SDHC: variants seen among roughly 807,000 people sequenced by gnomAD.
The protein encoded by SDHC is succinate dehydrogenase cytochrome b560 subunit, mitochondrial.
SDHC carries 11 observed loss-of-function variants against 22.6 expected under a neutral mutation model. The ratio of observed to expected loss-of-function variants is 0.49; its 90% CI spans 0.31 to 0.81. SDHC has a LOEUF of 0.81. SDHC is among the 30% of genes least tolerant of loss of function. SDHC has a pLI of 0.05. For missense variants in SDHC, 160 were observed against 212.0 expected (o/e 0.75, Z 1.52); for synonymous variants, 80 against 77.8 (o/e 1.03, Z -0.15).
At chr1:161,319,916 A>G (rs142834919) in intron 1 of SDHC, among the ~76,000 whole-genome samples, 186 of 149,448 alleles carry the variant, frequency 1.2e-3, no homozygotes, top group African/African-American at 4.1e-3. Context: ...GTGGGAGGTT[A>G]GGTCCAGAGA....
At chr1:161,333,401 C>CTTTTTTTTTTTTTTTTTTTTTTTATTT (rs71581410) in intron 3 of SDHC, among the ~76,000 whole-genome samples, 1 of 130,422 alleles carries the variant, frequency 7.7e-6, no homozygotes, top group Non-Finnish European at 1.6e-5. Context: ...CTATGTTTAA[C>CTTTTTTTTTTTTTTTTTTTTTTTATTT]TTTTTTTTTT....
chr1:161,335,723 C>T (rs1182122947), intron 3 of SDHC, among the ~76,000 whole-genome samples: 1 of 152,110 alleles, frequency 6.6e-6, no homozygotes, highest in Admixed American at 6.6e-5. Flanking sequence ...TGCTTCTAGG[C>T]CCGGTCTGTG....
intron 4 of SDHC, among the ~76,000 whole-genome samples, chr1:161,345,063 A>G (rs957296750): frequency 6.6e-6 from 1 of 152,204 alleles, no homozygotes; most frequent in African/African-American, 2.4e-5. Flanking sequence ...TCACTTTAGC[A>G]CTTAGATTAA....
At chr1:161,316,464 T>C (rs1342632401) in intron 1 of SDHC, among the ~76,000 whole-genome samples, 1 of 152,188 alleles carries the variant, frequency 6.6e-6, no homozygotes, top group Non-Finnish European at 1.5e-5. Context: ...CAGCCCTTAA[T>C]CCATTTAACC....
chr1:161,339,675 T>TG (rs1333229999), intron 3 of SDHC: 4 of 372,458 alleles, frequency 1.1e-5, no homozygotes, highest in African/African-American at 1.0e-4. Flanking sequence ...TTTTTTTTTT[T>TG]TTTTTTTTTT....
At chr1:161,344,277 G>A (rs1671820571) in intron 4 of SDHC, among the ~76,000 whole-genome samples, 1 of 151,856 alleles carries the variant, frequency 6.6e-6, no homozygotes, top group Non-Finnish European at 1.5e-5. Context: ...GAGACAGAGC[G>A]AGACTCCGTC....
chr1:161,335,325 TATTA>T (rs1671434360), intron 3 of SDHC, among the ~76,000 whole-genome samples: 1 of 152,222 alleles, frequency 6.6e-6, no homozygotes, highest in Non-Finnish European at 1.5e-5. Context: ...AAGGATGTTG[TATTA>T]ATTAATACAT....
intron 3 of SDHC, among the ~76,000 whole-genome samples, chr1:161,330,529 A>G (rs1671233504): frequency 6.6e-6 from 1 of 152,204 alleles, no homozygotes; most frequent in African/African-American, 2.4e-5. Flanking sequence ...CTCTGGGCTT[A>G]TAGCTCCATC....
intron 4 of SDHC, among the ~76,000 whole-genome samples, chr1:161,349,220 T>C (rs2102354814): frequency 6.6e-6 from 1 of 152,282 alleles, no homozygotes; most frequent in East Asian, 1.9e-4. Context: ...CCCCGCACTT[T>C]GAGAGGCCAA....
At chr1:161,357,239 A>C (rs1012884893) in intron 5 of SDHC, among the ~76,000 whole-genome samples, 1 of 151,376 alleles carries the variant, frequency 6.6e-6, no homozygotes, top group Non-Finnish European at 1.5e-5. Context: ...TGCTGTTCTT[A>C]AGGTTAGTTG....
At chr1:161,361,842 C>CAAA (rs35337467) in intron 5 of SDHC, among the ~76,000 whole-genome samples, 2,227 of 54,618 alleles carry the variant, frequency 0.041, 232 homozygotes, top group African/African-American at 0.14. Flanking sequence ...GAGTCCGTCT[C>CAAA]AAAAAAAAAA....
chr1:161,345,395 C>T (rs1375680605), intron 4 of SDHC, among the ~76,000 whole-genome samples: 2 of 152,204 alleles, frequency 1.3e-5, no homozygotes, highest in African/African-American at 4.8e-5. Context: ...TCTATTCCTT[C>T]ATAGTTCTTA....
intron 4 of SDHC, among the ~76,000 whole-genome samples, chr1:161,346,059 C>T (rs1354017185): frequency 6.6e-6 from 1 of 152,206 alleles, no homozygotes; most frequent in African/African-American, 2.4e-5. Flanking sequence ...CCCGCCTCAG[C>T]CTCCCAAAGT....
At chr1:161,341,657 G>A (rs1359407825) in intron 4 of SDHC, among the ~76,000 whole-genome samples, 4 of 152,136 alleles carry the variant, frequency 2.6e-5, no homozygotes, top group Non-Finnish European at 4.4e-5. Context: ...GAATGTGCAT[G>A]TAACATATTT....
At position 161,323,647 on chromosome 1, in the gene SDHC, T is replaced by G. The variant is rs200761743; in HGVS notation, c.54T>G (p.Phe18Leu). Residue 18 changes from phenylalanine (F) to leucine (L), a missense_variant, in exon 2 of 6, where the codon TTT (phenylalanine) becomes TTG (leucine). Around this residue, in one of 2 missense-constraint regions of SDHC, gnomAD observed 86 missense variants for 83.4 expected, o/e 1.03. Transcript: ENST00000367975. ...HVGRHCLRAHFSPQLCIRNAV... is the reference protein window; with the variant it reads ...HVGRHCLRAHLSPQLCIRNAV... The stretch of plus-strand genomic sequence containing the variant: ...GTCGTCATTGCCTCCGAGCCCACTT[T>G]AGCCCTCAGCTCTGTATCAGAAAGT... 1.4e-5 allele frequency: 22 copies of G among 1,593,922 alleles called. No individual in the cohort carries two copies. The East Asian group carries it at 5.1e-4, about 37-fold the overall frequency.
chr1:161,316,022 A>G (rs977082735), intron 1 of SDHC, among the ~76,000 whole-genome samples: 5 of 152,154 alleles, frequency 3.3e-5, no homozygotes, highest in African/African-American at 1.2e-4. Context: ...AAACATCTCA[A>G]TGCCTTGAAG....
chr1:161,359,851 T>C (rs1481641181), intron 5 of SDHC, among the ~76,000 whole-genome samples: 3 of 152,138 alleles, frequency 2.0e-5, no homozygotes, highest in Non-Finnish European at 4.4e-5. Context: ...TAGGATGTTA[T>C]AGGGTCTGTG....
chr1:161,352,053 A>C (rs1672116444), intron 4 of SDHC, among the ~76,000 whole-genome samples: 1 of 152,174 alleles, frequency 6.6e-6, no homozygotes, highest in Non-Finnish European at 1.5e-5. Context: ...AATTTTTCTC[A>C]GTGATTAGAT....
intron 1 of SDHC, among the ~76,000 whole-genome samples, chr1:161,319,832 A>G (rs1479879470): frequency 1.3e-5 from 2 of 152,186 alleles, no homozygotes; most frequent in African/African-American, 2.4e-5. Context: ...GCATGTGGTC[A>G]AAAGATGGTT....
Sources: gnomAD v4.1 joint callset for allele counts (sites outside exome capture counted in the v4.1 genomes callset) on GRCh38, gnomAD v4.1.1 for gene constraint, gnomAD v4.1.1 regional missense constraint, MANE v1.5 for transcripts, NCBI Gene and HGNC (gene_info 2026-07-23, HGNC 2026-07-21) for gene names.